The following ZNF385A variants were observed in gnomAD, a reference collection of about 807,000 sequenced individuals.
ZNF385A encodes the protein hematopoietic zinc finger protein.
A neutral mutation model predicts 32.1 loss-of-function variants in ZNF385A; 14 were observed. That is an observed-to-expected ratio of 0.44 (90% CI 0.29 to 0.68). ZNF385A has a LOEUF of 0.68. Among genes scored for constraint, ZNF385A ranks in the 30% least tolerant of loss-of-function variants. The pLI, the probability that ZNF385A is intolerant of heterozygous loss-of-function variation, is 0.14. For synonymous variants in ZNF385A, 197 were observed against 202.7 expected, an observed-to-expected ratio of 0.97 and a Z score of 0.24; for missense variants, 406 against 478.4, an observed-to-expected ratio of 0.85 and a Z score of 1.41.
At chr12:54,383,476 C>T (rs1033164200) in intron 1 of ZNF385A, among the ~76,000 whole-genome samples, 7 of 152,190 alleles carry the variant, frequency 4.6e-5, no homozygotes, top group South Asian at 2.1e-4. Flanking sequence ...AGGCTTCCCT[C>T]GGGCCTGCAT....
At chr12:54,390,262 T>C (rs1409555589) in intron 1 of ZNF385A, among the ~76,000 whole-genome samples, 1 of 151,866 alleles carries the variant, frequency 6.6e-6, no homozygotes, top group Non-Finnish European at 1.5e-5. Context: ...TGGACTATTG[T>C]GGAGGCAGGG....
intron 3 of ZNF385A, chr12:54,373,135 G>GTGTGTGTGTA (rs1954643305): frequency 6.8e-6 from 1 of 147,422 alleles, no homozygotes; most frequent in East Asian, 1.9e-4. Context: ...CTGTGTGTGT[G>GTGTGTGTGTA]TGTGTGTGTG....
Position 54,375,969 on chromosome 12 carries a change from T to G in ZNF385A, c.88-15A>C, listed in dbSNP as rs1050557978. ...ACAGGGTCCATCTGTGGAGGCAGGC[T>G]GGGGTGAGCCGGGAACCCTAGCGCA... On this transcript the variant is annotated splice_polypyrimidine_tract_variant and intron_variant, in intron 1 of 6. Coordinates refer to ENST00000394313, the MANE Select transcript of ZNF385A (RefSeq NM_015481.3). 2 of 1,610,138 alleles carry G rather than the reference T, an allele frequency of 1.2e-6. No homozygotes were observed. The highest frequency in any genetic ancestry group is 2.7e-5 in the African/African-American group (2 of 74,838).
At chr12:54,389,769 G>A (rs911970204) in intron 1 of ZNF385A, among the ~76,000 whole-genome samples, 2 of 152,122 alleles carry the variant, frequency 1.3e-5, no homozygotes, top group Admixed American at 6.5e-5. Flanking sequence ...AATGTGTGCT[G>A]GTGGGGGTCA....
rs375040263 is a variant in ZNF385A, at chr12:54,371,608, C to T, written c.469G>A (p.Glu157Lys). ...GAAGCCGGGGCTGGAGTCCCCCCTTCACCCTTGGTTACACCCTGACCAGTC... is the reference window on the plus strand; with the variant it reads ...GAAGCCGGGGCTGGAGTCCCCCCTTTACCCTTGGTTACACCCTGACCAGTC... The part of the protein sequence containing the change: ...PETGQGVTKG[E>K]GGTPAPASLP... The change falls in exon 4 of 7, where the codon GAA becomes AAA. Residue 157 changes from glutamate to lysine, a missense_variant. Glu to Lys is a moderately conservative substitution (Grantham distance 56). Transcript: ENST00000394313. 2.5e-6 allele frequency: 4 copies of T among 1,613,380 alleles called. No homozygotes were observed. Among genetic ancestry groups the T allele is most frequent in the Non-Finnish European group, 1.7e-6 (2 of 1,179,708 alleles).
At chr12:54,371,753 G>T (rs1275001636) in intron 3 of ZNF385A, 38 bp from the exon 4 acceptor site, 2 of 1,607,338 alleles carry the variant, frequency 1.2e-6, no homozygotes, top group Admixed American at 1.7e-5. Context: ...CACCCTAGAT[G>T]GCTCTTGGAG....
rs769400812 is a variant in ZNF385A, at chr12:54,384,560, G to T, written c.-46C>A. On this transcript the variant is annotated 5_prime_UTR_variant, in exon 1 of 7. Coordinates refer to ENST00000394313, the MANE Select transcript of ZNF385A (RefSeq NM_015481.3). ...GAGGCAGGGGCCCTGCCCGGCTCAG[G>T]CTGCCTGAAGGGCAGAGAAAACATT... is the stretch of plus-strand genomic sequence containing the variant. The T allele has an allele frequency of 5.4e-6, 8 of 1,470,170 alleles. No individual in the cohort carries two copies. The highest frequency in any genetic ancestry group is 1.4e-5 in the African/African-American group (1 of 69,262). 91.1% of individuals were successfully genotyped at this position (1,470,170 alleles called of 1,614,324 possible). A position where few individuals can be genotyped will look rare whatever the true frequency, so the allele number is the denominator to read the frequency against.
chr12:54,371,204 G>C, intron 4 of ZNF385A, 108 bp from the exon 5 acceptor site: 1 of 1,266,738 alleles, frequency 7.9e-7, no homozygotes. Context: ...AAGAGGGTGG[G>C]CACAGTGTGG....
chr12:54,373,305 C>G (rs1414013581), intron 3 of ZNF385A, among the ~76,000 whole-genome samples: 1 of 152,072 alleles, frequency 6.6e-6, no homozygotes, highest in Non-Finnish European at 1.5e-5. Flanking sequence ...TGATTGACAT[C>G]CGATGTGGTA....
At chr12:54,373,935 A>G in intron 3 of ZNF385A, 38 bp downstream of exon 3, 1 of 1,426,250 alleles carries the variant, frequency 7.0e-7, no homozygotes, top group Admixed American at 2.3e-5. Flanking sequence ...TAGAGAAGAC[A>G]GAGATCAGTT....
At chr12:54,385,017 G>T, upstream of ZNF385A, 1 of 504,310 alleles carries the variant, frequency 2.0e-6, no homozygotes, top group Non-Finnish European at 2.6e-6. Flanking sequence ...TGACCAGAGG[G>T]GGATATTGAG....
At chr12:54,384,372 G>T in intron 1 of ZNF385A, 56 bp downstream of exon 1, 1 of 1,521,998 alleles carries the variant, frequency 6.6e-7, no homozygotes, top group Non-Finnish European at 8.8e-7. Context: ...AGGTGGGTCT[G>T]AGAGAGAAAG....
chr12:54,389,754 A>C (rs1489160937), intron 1 of ZNF385A, among the ~76,000 whole-genome samples: 1 of 152,036 alleles, frequency 6.6e-6, no homozygotes, highest in Non-Finnish European at 1.5e-5. Context: ...TGGGGGACTG[A>C]GTGCAATGTG....
intron 1 of ZNF385A, 91 bp from the exon 2 acceptor site, chr12:54,376,045 C>T: frequency 1.0e-6 from 1 of 1,003,510 alleles, no homozygotes; most frequent in Non-Finnish European, 1.6e-6. Flanking sequence ...AACCAAGGTC[C>T]CCAGACCCCT....
intron 1 of ZNF385A, among the ~76,000 whole-genome samples, chr12:54,390,986 G>A (rs923457515): frequency 6.6e-5 from 10 of 152,114 alleles, no homozygotes; most frequent in African/African-American, 9.7e-5. Flanking sequence ...TTATGGGGCG[G>A]GGGTCTCACT....
At chr12:54,386,380 G>T (rs1955484028), upstream of ZNF385A, among the ~76,000 whole-genome samples, 1 of 152,120 alleles carries the variant, frequency 6.6e-6, no homozygotes, top group African/African-American at 2.4e-5. Context: ...CGAAAAGCTG[G>T]ACACAGAACT....
At position 54,370,137 on chromosome 12, in the gene ZNF385A, T is replaced by C; in HGVS notation, c.*119A>G. 1 of 460,914 alleles carries C rather than the reference T, an allele frequency of 2.2e-6. No individual in the cohort carries two copies. Among genetic ancestry groups the C allele is most frequent in the Non-Finnish European group, 3.2e-6 (1 of 309,732 alleles). 28.6% of individuals were successfully genotyped at this position (460,914 alleles called of 1,614,324 possible). On this transcript the variant is annotated 3_prime_UTR_variant, in exon 7 of 7. Transcript: ENST00000394313. The surrounding 1 kb of genome is among the most constrained non-coding windows in gnomAD (Gnocchi z 5.5). ...TTTCCTGGAACCCCGTATCTCGGGGTGGGGGGGGGGAAGGAGAGATCATTT... is the reference window on the plus strand; with the variant it reads ...TTTCCTGGAACCCCGTATCTCGGGGCGGGGGGGGGGAAGGAGAGATCATTT...
rs1003698083 is a variant in ZNF385A, at chr12:54,370,897, C to T, written c.774+30G>A. Reference sequence around the variant, plus strand: ...TCCCCACTTAGCGGGTGGAGCGTCCCAGAATTCCTGGGAAGGGCCTTAGAC... The same window carrying T: ...TCCCCACTTAGCGGGTGGAGCGTCCTAGAATTCCTGGGAAGGGCCTTAGAC... On this transcript the variant is annotated intron_variant, in intron 5 of 6. Transcript: ENST00000394313. This position sits in a 1 kb window ranked among gnomAD's most constrained non-coding sequence, Gnocchi z 5.5. 3 of 1,614,092 alleles carry T rather than the reference C, an allele frequency of 1.9e-6. No individual in the cohort carries two copies. In the African/African-American group the frequency reaches 4.0e-5, roughly 22 times the overall value.
rs1371984292 is a variant in ZNF385A at position 54,370,615 on chromosome 12, C to A, written c.870+11G>T. On this transcript the variant is annotated intron_variant, in intron 6 of 6. Coordinates refer to ENST00000394313, the MANE Select transcript of ZNF385A (RefSeq NM_015481.3). The surrounding 1 kb of genome is among the most constrained non-coding windows in gnomAD (Gnocchi z 5.5). ...CCTCCCACTGCTGAATTCCCAGCAT[C>A]CAGGCCTCACCGCCAGCTCCCCGGC... 1 of 1,592,080 alleles carries A rather than the reference C, an allele frequency of 6.3e-7. No homozygotes were observed. Among genetic ancestry groups the A allele is most frequent in the Non-Finnish European group, 8.6e-7 (1 of 1,169,308 alleles).
Sources: gnomAD v4.1 joint callset for allele counts (sites outside exome capture counted in the v4.1 genomes callset) on GRCh38, gnomAD v4.1.1 for gene constraint, Gnocchi (gnomAD v3.1) non-coding constraint, MANE v1.5 for transcripts, NCBI Gene and HGNC (gene_info 2026-07-23, HGNC 2026-07-21) for gene names.